SYNE1: variants seen among roughly 807,000 people sequenced by gnomAD.
The protein encoded by SYNE1 is nesprin-1.
SYNE1 carries 616 observed loss-of-function variants against 1,111.0 expected under a neutral mutation model. That is an observed-to-expected ratio of 0.55 (90% CI 0.52 to 0.59). SYNE1 has a LOEUF of 0.59. SYNE1 is among the 20% of genes least tolerant of loss of function. The pLI, the probability that SYNE1 is intolerant of heterozygous loss-of-function variation, is 0.00. For missense variants in SYNE1, 10,006 were observed against 10,417.0 expected, an observed-to-expected ratio of 0.96 and a Z score of 1.72; for synonymous variants, 3,855 against 3,825.8, an observed-to-expected ratio of 1.01 and a Z score of -0.28.
chr6:152,488,003 A>T (rs529914458), intron 12 of SYNE1, among the ~76,000 whole-genome samples: 7 of 151,592 alleles, frequency 4.6e-5, no homozygotes, highest in African/African-American at 1.7e-4. Context: ...TGAACCCAGG[A>T]GGCAGAGCTT....
At chr6:152,613,073 T>C (rs954087581) in intron 3 of SYNE1, among the ~76,000 whole-genome samples, 1 of 152,218 alleles carries the variant, frequency 6.6e-6, no homozygotes, top group African/African-American at 2.4e-5. Flanking sequence ...AAGCATTCCC[T>C]TTGAAAACCG....
At chr6:152,361,660 A>T (rs1233301748) in intron 64 of SYNE1, among the ~76,000 whole-genome samples, 2 of 152,196 alleles carry the variant, frequency 1.3e-5, no homozygotes, top group Non-Finnish European at 2.9e-5. Flanking sequence ...CTGACCGATG[A>T]TCATGCCCTG....
chr6:152,634,912 G>T (rs148424655), intron 2 of SYNE1, among the ~76,000 whole-genome samples: 4 of 152,232 alleles, frequency 2.6e-5, no homozygotes, highest in African/African-American at 9.6e-5. Context: ...TCGCAGAGGC[G>T]TTTGGGCCCT....
In SYNE1 at chr6:152,510,276, T is replaced by TG; in HGVS notation, c.497dup (p.Pro167ThrfsTer3). ...TGGTGGTCACCTTCCGTTTACTTGGTGGGCTGGGAGTCTCAGAGCTAACTA... is the reference window on the plus strand; with the variant it reads ...TGGTGGTCACCTTCCGTTTACTTGGTGGGGCTGGGAGTCTCAGAGCTAACTA... On this transcript the variant is annotated frameshift_variant, in exon 8 of 146. Transcript: ENST00000367255. LOFTEE classifies it high-confidence loss of function. 2 of 1,614,138 alleles carry TG rather than the reference T, an allele frequency of 1.2e-6. No individual in the cohort carries two copies. Among genetic ancestry groups the TG allele is most frequent in the Non-Finnish European group, 1.7e-6 (2 of 1,179,992 alleles).
At chr6:152,615,582 A>T in intron 3 of SYNE1, among the ~76,000 whole-genome samples, 1 of 152,214 alleles carries the variant, frequency 6.6e-6, no homozygotes, top group East Asian at 1.9e-4. Context: ...CATATTTCAT[A>T]AGAAACAAAA....
intron 86 of SYNE1, 77 bp from the exon 87 acceptor site, chr6:152,317,063 T>C: frequency 1.9e-6 from 3 of 1,555,244 alleles, no homozygotes; most frequent in Non-Finnish European, 2.6e-6. Flanking sequence ...TTCTCTCTCT[T>C]TGGACACAAC....
At chr6:152,371,334 G>T (rs11963754) in intron 59 of SYNE1, among the ~76,000 whole-genome samples, 8,654 of 151,512 alleles carry the variant, frequency 0.057, 832 homozygotes, top group African/African-American at 0.2. Flanking sequence ...TTCCCGCTTT[G>T]GCTCATACTT....
intron 91 of SYNE1, among the ~76,000 whole-genome samples, chr6:152,307,979 C>T (rs1262441066): frequency 6.6e-6 from 1 of 152,072 alleles, no homozygotes; most frequent in African/African-American, 2.4e-5. Context: ...ATTACAGGCG[C>T]ATGCCACCAC....
intron 145 of SYNE1, chr6:152,125,311 C>T (rs1179536163): frequency 6.5e-7 from 1 of 1,550,246 alleles, no homozygotes; most frequent in Non-Finnish European, 8.7e-7. Context: ...AACTTGCATC[C>T]TAAAATATTT....
At chr6:152,125,303 C>G in intron 145 of SYNE1, 2 of 1,550,416 alleles carry the variant, frequency 1.3e-6, no homozygotes, top group East Asian at 2.4e-5. Context: ...GAATCCTGAA[C>G]TTGCATCCTA....
intron 16 of SYNE1, among the ~76,000 whole-genome samples, chr6:152,471,126 G>A (rs2098803228): frequency 6.6e-6 from 1 of 151,910 alleles, no homozygotes; most frequent in Admixed American, 6.6e-5. Flanking sequence ...GAAGCCCAGG[G>A]AATTACGGTA....
At chr6:152,497,078 C>T (rs1294288298) in intron 11 of SYNE1, among the ~76,000 whole-genome samples, 2 of 152,158 alleles carry the variant, frequency 1.3e-5, no homozygotes, top group African/African-American at 4.8e-5. Context: ...ACTCCTTTTT[C>T]AAACTCAGTC....
intron 86 of SYNE1, 116 bp from the exon 87 acceptor site, chr6:152,317,102 T>A: frequency 8.5e-7 from 1 of 1,182,612 alleles, no homozygotes; most frequent in Non-Finnish European, 1.2e-6. Flanking sequence ...TTATAATACC[T>A]ATGATATTCA....
chr6:152,157,300 T>C lies in SYNE1; in HGVS notation c.23791-1203A>G, dbSNP rs536378056. On this transcript the variant is annotated intron_variant, in intron 131 of 145. Transcript: ENST00000367255. ...CAACATGGATGGAACCGGAGGTCAC[T>C]ATGTTAAGTGAAATAAGCCAGGTAC... Among the ~76,000 whole-genome samples the C allele has an allele frequency of 5.9e-5, 9 of 152,326 alleles. No homozygotes were observed. The East Asian group carries it at 1.7e-3, about 29-fold the overall frequency.
At chr6:152,512,708 T>C (rs188417135) in intron 6 of SYNE1, among the ~76,000 whole-genome samples, 13 of 152,318 alleles carry the variant, frequency 8.5e-5, no homozygotes, top group African/African-American at 2.9e-4. Context: ...GCCTAACTTG[T>C]GAAGAAAAAT....
rs575386895 is a variant in SYNE1, at chr6:152,520,514, C to G, written c.254G>C (p.Arg85Pro). ...GCCAATGTTAGCCACAGCATGGATT[C>G]GCTTCATCCGGCGTCCTTGTTCACA... ...LPCEQGRRMK[R>P]IHAVANIGTA... Residue 85 changes from arginine (R) to proline (P), a missense_variant, in exon 6 of 146, where the codon CGA becomes CCA. Physicochemically the swap from Arg to Pro is moderately radical, Grantham distance 103 (BLOSUM62 -2). Around this residue, in one of 7 missense-constraint regions of SYNE1, gnomAD observed 1,971 missense variants for 2,084.1 expected, o/e 0.95. Coordinates refer to ENST00000367255, the MANE Select transcript of SYNE1 (RefSeq NM_182961.4). The G allele has an allele frequency of 6.2e-7, 1 of 1,613,544 alleles. No individual in the cohort carries two copies. The highest frequency in any genetic ancestry group is 1.1e-5 in the South Asian group (1 of 91,054).
rs2099353511 is a variant in SYNE1, at chr6:152,553,158, T to C, written c.68-13137A>G. 3.9e-5 allele frequency among the ~76,000 whole-genome samples: 6 copies of C among 152,240 alleles called. No homozygotes were observed. The South Asian group carries it at 1.0e-3, about 26-fold the overall frequency. ...TCACCAATTTTACATGTAAAGAGAC[T>C]GGAGCAAACGAGGTTCATCAACTCC... On this transcript the variant is annotated intron_variant, in intron 3 of 145. Coordinates refer to ENST00000367255, the MANE Select transcript of SYNE1 (RefSeq NM_182961.4).
intron 72 of SYNE1, among the ~76,000 whole-genome samples, chr6:152,348,742 T>C (rs1165281959): frequency 2.1e-5 from 2 of 95,176 alleles, no homozygotes; most frequent in Non-Finnish European, 4.6e-5. Context: ...AATCAAGTTC[T>C]AGTGTTTTTT....
At position 152,278,113 on chromosome 6, in the gene SYNE1, C is replaced by T; in HGVS notation, c.18549G>A (p.Leu6183=). ...CCTGCATGTTGAGCTGCTTATCATG[C>T]AGGGCTCTCTGCAGCTCCAGCAGGC... ...KGSLLELQRA[L]HDKQLNMQGT... is the part of the protein sequence containing the mutation. The change falls in exon 98 of 146, where the codon CTG becomes CTA. Residue 6183 remains leucine (L), a synonymous_variant. Transcript: ENST00000367255. 4 of 1,614,040 alleles carry T rather than the reference C, an allele frequency of 2.5e-6. No homozygotes were observed. Among genetic ancestry groups the T allele is most frequent in the Non-Finnish European group, 3.4e-6 (4 of 1,180,028 alleles).
Sources: gnomAD v4.1 joint callset for allele counts (sites outside exome capture counted in the v4.1 genomes callset) on GRCh38, gnomAD v4.1.1 for gene constraint, gnomAD v4.1.1 regional missense constraint, MANE v1.5 for transcripts, NCBI Gene and HGNC (gene_info 2026-07-23, HGNC 2026-07-21) for gene names.